Variants in NID2 observed in about 807,000 individuals in gnomAD.
NID2 encodes nidogen-2.
A neutral mutation model predicts 145.4 loss-of-function variants in NID2; 83 were observed. That is an observed-to-expected ratio of 0.57 (90% CI 0.48 to 0.69). NID2 has a LOEUF of 0.69. Among genes scored for constraint, NID2 ranks in the 30% least tolerant of loss-of-function variants. NID2 has a pLI of 0.00. For missense variants in NID2, 1,807 were observed against 1,765.7 expected, an observed-to-expected ratio of 1.02 and a Z score of -0.42; for synonymous variants, 739 against 701.3, an observed-to-expected ratio of 1.05 and a Z score of -0.85.
intron 16 of NID2, among the ~76,000 whole-genome samples, chr14:52,013,880 C>A (rs1162545919): frequency 6.6e-6 from 1 of 152,150 alleles, no homozygotes; most frequent in African/African-American, 2.4e-5. Context: ...CCCAACAAAC[C>A]GCAGAGATCA....
chr14:52,045,500 CAAGA>C (rs1892455856), intron 5 of NID2, among the ~76,000 whole-genome samples: 1 of 140,578 alleles, frequency 7.1e-6, no homozygotes, highest in Non-Finnish European at 1.6e-5. Context: ...TTTATTTAAA[CAAGA>C]AAGTGACAAG....
intron 21 of NID2, 94 bp downstream of exon 21, chr14:52,005,643 G>T: frequency 7.4e-7 from 1 of 1,358,704 alleles, no homozygotes; most frequent in South Asian, 1.2e-5. Flanking sequence ...AGGCAATGGT[G>T]GCAGTGTCAC....
intron 6 of NID2, 75 bp downstream of exon 6, chr14:52,042,707 G>T: frequency 2.7e-6 from 4 of 1,467,508 alleles, no homozygotes; most frequent in South Asian, 1.2e-5. Flanking sequence ...CCATAAAGCA[G>T]AGCTCACAGT....
chr14:52,043,867 A>G (rs2140405956), intron 5 of NID2, among the ~76,000 whole-genome samples: 1 of 152,270 alleles, frequency 6.6e-6, no homozygotes, highest in South Asian at 2.1e-4. Flanking sequence ...CATGGCCACC[A>G]GGAGGCCAAG....
chr14:52,007,580 T>C, intron 19 of NID2: 1 of 501,746 alleles, frequency 2.0e-6, no homozygotes, highest in Non-Finnish European at 3.5e-6. Context: ...GCACTCATGG[T>C]CAGGCAAGCA....
chr14:52,041,288 G>T (rs1892271317), intron 7 of NID2, among the ~76,000 whole-genome samples: 1 of 152,076 alleles, frequency 6.6e-6, no homozygotes, highest in South Asian at 2.1e-4. Context: ...CTAGAAAATT[G>T]TTTATCTGAA....
intron 18 of NID2, chr14:52,009,190 T>C (rs980741409): frequency 2.6e-5 from 4 of 152,196 alleles, no homozygotes; most frequent in African/African-American, 9.6e-5. Context: ...GAGCAAAAGC[T>C]AGAAAGCAGT....
At chr14:52,036,762 T>G (rs1333908139) in intron 9 of NID2, among the ~76,000 whole-genome samples, 5 of 152,252 alleles carry the variant, frequency 3.3e-5, no homozygotes, top group Non-Finnish European at 7.3e-5. Context: ...CTAATGATGC[T>G]GAGCATCTTT....
At chr14:52,066,934 AT>A (rs1228255465) in intron 2 of NID2, among the ~76,000 whole-genome samples, 3 of 152,168 alleles carry the variant, frequency 2.0e-5, no homozygotes, top group African/African-American at 7.2e-5. Flanking sequence ...GGAGCCTGGA[AT>A]TTTTTACTTT....
At chr14:52,040,986 A>G (rs998346031) in intron 7 of NID2, 135 bp from the exon 8 acceptor site, 2 of 726,544 alleles carry the variant, frequency 2.8e-6, no homozygotes, top group Non-Finnish European at 4.7e-6. Context: ...TCTGAGAGTA[A>G]GCACTATCAG....
At chr14:52,012,844 C>G (rs139650817) in intron 16 of NID2, among the ~76,000 whole-genome samples, 1 of 152,206 alleles carries the variant, frequency 6.6e-6, no homozygotes. Flanking sequence ...AGCCAACATT[C>G]AGGGGTTAGC....
chr14:52,042,875 A>G lies in NID2; in HGVS notation c.1486T>C (p.Ser496Pro). ...TAGTCCGTGCAGAAGGCATGCCGGGAGCATTGTCTGTGGTTGTGTTCACAG... is the reference window on the plus strand; with the variant it reads ...TAGTCCGTGCAGAAGGCATGCCGGGGGCATTGTCTGTGGTTGTGTTCACAG... ...ETCEHNHRQC[S>P]RHAFCTDYAT... The change falls in exon 6 of 22, where the codon TCC becomes CCC. Residue 496 changes from serine to proline, a missense_variant. Ser to Pro is a moderately conservative substitution (Grantham distance 74). Coordinates refer to ENST00000216286, the MANE Select transcript of NID2 (RefSeq NM_007361.4). 6.2e-7 allele frequency: 1 copy of G among 1,614,194 alleles called. No individual in the cohort carries two copies. The highest frequency in any genetic ancestry group is 8.5e-7 in the Non-Finnish European group (1 of 1,180,040).
Position 52,005,369 on chromosome 14 carries a change from A to C in NID2, c.*117T>G. ...TTGCACTACAAAATGTTCATCTTGG[A>C]TGCTCAGGAACGTCTAATGGCCAAT... On this transcript the variant is annotated 3_prime_UTR_variant, in exon 22 of 22. Transcript: ENST00000216286. The C allele has an allele frequency of 1.1e-6, 1 of 932,780 alleles. No individual in the cohort carries two copies. The highest frequency in any genetic ancestry group is 1.7e-5 in the African/African-American group (1 of 60,292). The allele number at this position is 932,780 out of a possible 1,614,324, so 57.8% of individuals were successfully genotyped here.
intron 7 of NID2, among the ~76,000 whole-genome samples, chr14:52,041,276 T>C (rs1180596951): frequency 6.6e-6 from 1 of 152,232 alleles, no homozygotes; most frequent in Non-Finnish European, 1.5e-5. Flanking sequence ...GTAATACTTA[T>C]ACTAGAAAAT....
At position 52,068,803 on chromosome 14, in the gene NID2, G is replaced by A. The variant is rs368833355; in HGVS notation, c.192C>T (p.Pro64=). ...ESSAVVKLAN[P]LHFYEARFSN... is the part of the protein sequence containing the mutation. ...TGAATCGGGCTTCGTAGAAGTGCAG[G>A]GGATTCGCCAGCTTCACCACGGCTG... is the stretch of plus-strand genomic sequence containing the variant. Residue 64 remains proline (P), a synonymous_variant, in exon 1 of 22, where the codon CCC becomes CCT. Coordinates refer to ENST00000216286, the MANE Select transcript of NID2 (RefSeq NM_007361.4). The A allele has an allele frequency of 4.4e-6, 7 of 1,608,834 alleles. No individual in the cohort carries two copies. Among genetic ancestry groups the A allele is most frequent in the Non-Finnish European group, 5.9e-6 (7 of 1,179,946 alleles).
At chr14:52,043,483 G>A (rs903098684) in intron 5 of NID2, among the ~76,000 whole-genome samples, 5 of 152,168 alleles carry the variant, frequency 3.3e-5, no homozygotes, top group African/African-American at 1.2e-4. Flanking sequence ...TGGGGAGAAG[G>A]GGACAGAGGA....
At chr14:52,045,649 A>T (rs148679656) in intron 5 of NID2, among the ~76,000 whole-genome samples, 234 of 152,254 alleles carry the variant, frequency 1.5e-3, no homozygotes, top group African/African-American at 5.3e-3. Flanking sequence ...AAGGGAAAAA[A>T]ACATTTAGAG....
At chr14:52,041,908 T>C (rs1892292692) in intron 7 of NID2, among the ~76,000 whole-genome samples, 197 bp downstream of exon 7, 1 of 152,214 alleles carries the variant, frequency 6.6e-6, no homozygotes, top group African/African-American at 2.4e-5. Flanking sequence ...TTAGACGAAA[T>C]CACTGCCTTT....
chr14:52,045,635 A>C (rs1482221678), intron 5 of NID2, among the ~76,000 whole-genome samples: 1 of 152,084 alleles, frequency 6.6e-6, no homozygotes, highest in African/African-American at 2.4e-5. Flanking sequence ...CTATTAGTTT[A>C]AGAAAGGGAA....
Sources: gnomAD v4.1 joint callset for allele counts (sites outside exome capture counted in the v4.1 genomes callset) on GRCh38, gnomAD v4.1.1 for gene constraint, MANE v1.5 for transcripts, NCBI Gene and HGNC (gene_info 2026-07-23, HGNC 2026-07-21) for gene names.